The following MYEF2 variants were observed in gnomAD, a reference collection of about 807,000 sequenced individuals.
MYEF2 encodes myelin gene expression factor 2.
MYEF2 carries 37 observed loss-of-function variants against 75.2 expected under a neutral mutation model. That is an observed-to-expected ratio of 0.49 (90% CI 0.38 to 0.65). The LOEUF (loss-of-function observed/expected upper bound fraction) is 0.65. MYEF2 is among the 30% of genes least tolerant of loss of function. MYEF2 has a pLI of 0.00. For missense variants in MYEF2, 634 were observed against 771.4 expected, an observed-to-expected ratio of 0.82 and a Z score of 2.11; for synonymous variants, 195 against 241.6, an observed-to-expected ratio of 0.81 and a Z score of 1.79.
Position 48,173,114 on chromosome 15 carries a change from T to C in MYEF2, c.162-4275A>G, listed in dbSNP as rs2040399721. 2.0e-5 allele frequency among the ~76,000 whole-genome samples: 3 copies of C among 152,112 alleles called. No homozygotes were observed. The South Asian group carries it at 6.2e-4, about 32-fold the overall frequency. ...AATTCTCAACAAAATACTAGCAAAC[T>C]AAATTCAACAGCACATTAAAAGGAT... is the stretch of plus-strand genomic sequence containing the variant. On this transcript the variant is annotated intron_variant, in intron 1 of 16. Transcript: ENST00000324324.
chr15:48,157,295 CAT>C (rs888143726), intron 9 of MYEF2: 11 of 152,020 alleles, frequency 7.2e-5, no homozygotes, highest in African/African-American at 2.7e-4. Context: ...CACTGAGACA[CAT>C]AATACAATAA....
intron 1 of MYEF2, 96 bp downstream of exon 1, chr15:48,177,981 G>T: frequency 1.4e-6 from 2 of 1,465,702 alleles, no homozygotes; most frequent in Non-Finnish European, 1.8e-6. Context: ...GGGTCTGGGG[G>T]TGGTTGTCCC....
At chr15:48,152,654 A>G (rs2039535976) in intron 10 of MYEF2, 1 of 193,892 alleles carries the variant, frequency 5.2e-6, no homozygotes, top group African/African-American at 2.4e-5. Context: ...ATTACAGCAG[A>G]TTTAGAGATC....
intron 7 of MYEF2, 150 bp downstream of exon 7, chr15:48,158,619 G>A (rs1018148487): frequency 2.3e-6 from 2 of 875,460 alleles, no homozygotes; most frequent in Non-Finnish European, 3.5e-6. Flanking sequence ...TTAATACTTG[G>A]ACCTACTAAG....
At chr15:48,175,234 A>T (rs548377134) in intron 1 of MYEF2, among the ~76,000 whole-genome samples, 1 of 152,256 alleles carries the variant, frequency 6.6e-6, no homozygotes, top group African/African-American at 2.4e-5. Context: ...CAAATGCTAC[A>T]TGATCTCACT....
At chr15:48,144,562 T>C (rs1259453563) in intron 16 of MYEF2, among the ~76,000 whole-genome samples, 1 of 151,916 alleles carries the variant, frequency 6.6e-6, no homozygotes, top group Non-Finnish European at 1.5e-5. Context: ...ATGGTTAAAG[T>C]AGATCCAAAT....
At chr15:48,163,699 G>A (rs547117183) in intron 5 of MYEF2, among the ~76,000 whole-genome samples, 8 of 152,234 alleles carry the variant, frequency 5.3e-5, no homozygotes, top group African/African-American at 1.7e-4. Flanking sequence ...TTTATTAGGG[G>A]CTAATGCAAC....
intron 9 of MYEF2, chr15:48,154,100 T>A: frequency 4.3e-6 from 2 of 465,218 alleles, no homozygotes; most frequent in South Asian, 6.3e-5. Context: ...AAGTGTTTTA[T>A]GAAATAAAAC....
intron 8 of MYEF2, 26 bp from the exon 9 acceptor site, chr15:48,158,082 G>C (rs2140877799): frequency 3.1e-6 from 5 of 1,611,966 alleles, no homozygotes; most frequent in Non-Finnish European, 4.2e-6. Context: ...TTTATAATAT[G>C]GTTAACATAT....
intron 9 of MYEF2, among the ~76,000 whole-genome samples, chr15:48,154,975 T>A (rs1341497600): frequency 6.6e-6 from 1 of 152,072 alleles, no homozygotes; most frequent in East Asian, 1.9e-4. Context: ...AACTTCAGGC[T>A]TCACAGAAAT....
Position 48,140,922 on chromosome 15 carries a change from C to T in MYEF2, c.*1986G>A. ...ATATGTCATTAAAAATCTGTGCTAC[C>T]TGGGTTACCCGAATTACCAGCCTGA... On this transcript the variant is annotated 3_prime_UTR_variant, in exon 17 of 17. Coordinates refer to ENST00000324324, the MANE Select transcript of MYEF2 (RefSeq NM_016132.5). 1 of 483,092 alleles carries T rather than the reference C, an allele frequency of 2.1e-6. No individual in the cohort carries two copies. Among genetic ancestry groups the T allele is most frequent in the South Asian group, 2.3e-5 (1 of 43,528 alleles). The allele number at this position is 483,092 out of a possible 1,614,324, so 29.9% of individuals were successfully genotyped here.
intron 6 of MYEF2, among the ~76,000 whole-genome samples, 194 bp from the exon 7 acceptor site, chr15:48,159,116 T>C (rs2039831066): frequency 6.6e-6 from 1 of 152,132 alleles, no homozygotes; most frequent in African/African-American, 2.4e-5. Context: ...TTGTTCCTTA[T>C]CCTTATTTTT....
chr15:48,156,260 G>A (rs2039692189), intron 9 of MYEF2, among the ~76,000 whole-genome samples: 1 of 151,372 alleles, frequency 6.6e-6, no homozygotes, highest in Admixed American at 6.6e-5. Flanking sequence ...TAAATAGAAG[G>A]AAAAAATAAT....
At chr15:48,145,103 A>G (rs1266355459) in intron 16 of MYEF2, among the ~76,000 whole-genome samples, 2 of 151,840 alleles carry the variant, frequency 1.3e-5, no homozygotes, top group Non-Finnish European at 2.9e-5. Context: ...AATGACCTCA[A>G]AAATTTTCTA....
intron 10 of MYEF2, chr15:48,152,890 A>G (rs986494893): frequency 2.0e-5 from 3 of 152,476 alleles, no homozygotes; most frequent in African/African-American, 7.2e-5. Context: ...TTAGTCCATC[A>G]ATTAAAACAG....
intron 12 of MYEF2, 68 bp downstream of exon 12, chr15:48,151,806 A>AG (rs1449445571): frequency 1.3e-6 from 2 of 1,536,290 alleles, no homozygotes; most frequent in African/African-American, 2.7e-5. Context: ...CCTAAGTTAT[A>AG]GGGGGGAAAT....
At chr15:48,152,879 A>G (rs189335331) in intron 10 of MYEF2, 1 of 152,618 alleles carries the variant, frequency 6.6e-6, no homozygotes, top group African/African-American at 2.4e-5. Context: ...GATAGCATTT[A>G]TTAGTCCATC....
chr15:48,176,218 G>GT (rs1176047759), intron 1 of MYEF2, among the ~76,000 whole-genome samples: 10 of 80,668 alleles, frequency 1.2e-4, no homozygotes, highest in African/African-American at 3.2e-4. Context: ...AGTTCACGAA[G>GT]TAAAAAAAAA....
At chr15:48,150,615 A>G (rs2039456853) in intron 14 of MYEF2, among the ~76,000 whole-genome samples, 2 of 152,048 alleles carry the variant, frequency 1.3e-5, no homozygotes, top group African/African-American at 4.8e-5. Flanking sequence ...TATTACGGGA[A>G]AGGTTCAAGA....
Sources: gnomAD v4.1 joint callset for allele counts (sites outside exome capture counted in the v4.1 genomes callset) on GRCh38, gnomAD v4.1.1 for gene constraint, MANE v1.5 for transcripts, NCBI Gene and HGNC (gene_info 2026-07-23, HGNC 2026-07-21) for gene names.